Variants in RASA2 observed in about 807,000 individuals in gnomAD.
The protein encoded by RASA2 is RAS p21 protein activator 2.
In RASA2, 155 loss-of-function variants were observed where a neutral mutation model predicts 118.2. The ratio of observed to expected loss-of-function variants is 1.31; its 90% CI spans 1.15 to 1.50. The LOEUF is 1.50. RASA2 is among the 40% of genes most tolerant of loss of function. The pLI, the probability that RASA2 is intolerant of heterozygous loss-of-function variation, is 0.00. For synonymous variants in RASA2, 353 were observed against 349.1 expected (o/e 1.01, Z -0.12); for missense variants, 1,016 against 1,009.6 (o/e 1.01, Z -0.09).
rs1162098728 is a variant in RASA2 at position 141,580,525 on chromosome 3, C to T, written c.1674+74C>T. The stretch of plus-strand genomic sequence containing the variant: ...ACATCCTATGATCCCTTATCCTTGA[C>T]TTACCTTCTTCCAAATTAAAAACAA... On this transcript the variant is annotated intron_variant, in intron 16 of 23. Coordinates refer to ENST00000286364, the MANE Select transcript of RASA2 (RefSeq NM_006506.5). The T allele has an allele frequency of 1.0e-5, 12 of 1,156,544 alleles. No individual in the cohort carries two copies. The East Asian group carries it at 2.7e-4, about 26-fold the overall frequency. The allele number at this position is 1,156,544 out of a possible 1,614,324, so 71.6% of individuals were successfully genotyped here.
At chr3:141,601,172 AC>A (rs2083456759) in intron 19 of RASA2, among the ~76,000 whole-genome samples, 1 of 152,204 alleles carries the variant, frequency 6.6e-6, no homozygotes, top group African/African-American at 2.4e-5. Context: ...TCACACCTGT[AC>A]CCTAGCACTT....
Position 141,586,753 on chromosome 3 carries a change from G to A in RASA2, c.1933+1G>A, listed in dbSNP as rs1289430681. 6.2e-7 allele frequency: 1 copy of A among 1,605,606 alleles called. No individual in the cohort carries two copies. Among genetic ancestry groups the A allele is most frequent in the Non-Finnish European group, 8.5e-7 (1 of 1,172,624 alleles). On this transcript the variant is annotated splice_donor_variant, in intron 19 of 23. Transcript: ENST00000286364. LOFTEE classifies it high-confidence loss of function. ...GAGCTCACCTACCACAAACAGCCAGGTAGTTGTGTTTATGCTTTATTGTGG... is the reference window on the plus strand; with the variant it reads ...GAGCTCACCTACCACAAACAGCCAGATAGTTGTGTTTATGCTTTATTGTGG...
chr3:141,561,908 TGTTA>T (rs2082734654), intron 9 of RASA2, among the ~76,000 whole-genome samples: 1 of 152,182 alleles, frequency 6.6e-6, no homozygotes, highest in South Asian at 2.1e-4. Context: ...CTTTCCAGTT[TGTTA>T]ATTTTGACAC....
Position 141,613,309 on chromosome 3 carries a change from T to C in RASA2, c.*996T>C, listed in dbSNP as rs569418651. ...CATGGTATCTAGTCTTTATGATCAG[T>C]TGAATGATCAGTGTTTAAGTCTAAA... On this transcript the variant is annotated 3_prime_UTR_variant, in exon 24 of 24. Transcript: ENST00000286364. The C allele has an allele frequency of 6.6e-6, 1 of 152,334 alleles. No individual in the cohort carries two copies. Among genetic ancestry groups the C allele is most frequent in the African/African-American group, 2.4e-5 (1 of 41,578 alleles). The allele number at this position is 152,334 out of a possible 1,614,324, so 9.4% of individuals were successfully genotyped here. A position where few individuals can be genotyped will look rare whatever the true frequency, so the allele number is the denominator to read the frequency against.
chr3:141,537,440 C>T (rs2082343582), intron 4 of RASA2, among the ~76,000 whole-genome samples: 1 of 152,064 alleles, frequency 6.6e-6, no homozygotes, highest in African/African-American at 2.4e-5. Flanking sequence ...CAGGTATCTG[C>T]TGGATTTTTC....
intron 5 of RASA2, among the ~76,000 whole-genome samples, chr3:141,551,575 TC>T (rs2082575996): frequency 6.6e-6 from 1 of 152,222 alleles, no homozygotes; most frequent in African/African-American, 2.4e-5. Flanking sequence ...TTTGACCTCC[TC>T]CTGCTGACAG....
chr3:141,514,850 C>T (rs2081999645), intron 2 of RASA2, among the ~76,000 whole-genome samples: 1 of 152,176 alleles, frequency 6.6e-6, no homozygotes, highest in African/African-American at 2.4e-5. Flanking sequence ...CTACTATGTA[C>T]ACAACAACAT....
chr3:141,506,766 A>G (rs537423420), intron 1 of RASA2, among the ~76,000 whole-genome samples: 131 of 152,170 alleles, frequency 8.6e-4, no homozygotes, highest in African/African-American at 3.0e-3. Flanking sequence ...TACAAAGCAA[A>G]TTAGTCAGGC....
At chr3:141,555,795 G>A in intron 6 of RASA2, 45 bp from the exon 7 acceptor site, 2 of 1,509,496 alleles carry the variant, frequency 1.3e-6, no homozygotes, top group Non-Finnish European at 1.8e-6. Flanking sequence ...TTATAATTGT[G>A]TACTGTTAAG....
intron 21 of RASA2, among the ~76,000 whole-genome samples, chr3:141,609,131 A>G (rs955535750): frequency 2.0e-5 from 3 of 152,244 alleles, no homozygotes; most frequent in Non-Finnish European, 4.4e-5. Flanking sequence ...ATTGTATGGA[A>G]CAACCATTGT....
chr3:141,580,552 A>G (rs1462397073), intron 16 of RASA2, 101 bp downstream of exon 16: 1 of 725,794 alleles, frequency 1.4e-6, no homozygotes, highest in Non-Finnish European at 2.3e-6. Flanking sequence ...TAAAAACAAA[A>G]CATACACACA....
intron 19 of RASA2, among the ~76,000 whole-genome samples, chr3:141,590,669 T>C (rs947562150): frequency 6.6e-5 from 10 of 152,240 alleles, no homozygotes; most frequent in Non-Finnish European, 1.2e-4. Flanking sequence ...ACACTTACTA[T>C]GTGACTTTGG....
chr3:141,554,057 T>C (rs2082612649), intron 6 of RASA2, 117 bp downstream of exon 6: 2 of 1,415,066 alleles, frequency 1.4e-6, no homozygotes, highest in Non-Finnish European at 1.8e-6. Context: ...CAGTAATAAA[T>C]GCTTTGAAAG....
At chr3:141,502,458 T>C (rs111566721) in intron 1 of RASA2, among the ~76,000 whole-genome samples, 17 of 152,298 alleles carry the variant, frequency 1.1e-4, no homozygotes, top group African/African-American at 3.8e-4. Flanking sequence ...TATAATCTTT[T>C]CCCTCTCATT....
intron 3 of RASA2, among the ~76,000 whole-genome samples, chr3:141,518,114 T>C (rs572989242): frequency 1.1e-3 from 164 of 152,278 alleles, no homozygotes; most frequent in South Asian, 1.2e-3. Context: ...TTTATTCTCT[T>C]TCTTTTTAGT....
intron 5 of RASA2, among the ~76,000 whole-genome samples, chr3:141,543,005 T>C (rs2082428318): frequency 6.6e-6 from 1 of 152,128 alleles, no homozygotes; most frequent in Admixed American, 6.5e-5. Context: ...TCTGTCTTTT[T>C]TTGGTGAGTT....
intron 19 of RASA2, among the ~76,000 whole-genome samples, chr3:141,599,655 TAAAG>T (rs2083433052): frequency 6.6e-6 from 1 of 151,934 alleles, no homozygotes; most frequent in African/African-American, 2.4e-5. Context: ...CAGCAGCAAA[TAAAG>T]AGTGAATAAG....
At chr3:141,596,456 A>G (rs1489132631) in intron 19 of RASA2, among the ~76,000 whole-genome samples, 1 of 152,352 alleles carries the variant, frequency 6.6e-6, no homozygotes, top group Non-Finnish European at 1.5e-5. Context: ...AACTAAATGT[A>G]TGGTCTATAA....
At chr3:141,500,682 C>G (rs1397535398) in intron 1 of RASA2, among the ~76,000 whole-genome samples, 2 of 152,050 alleles carry the variant, frequency 1.3e-5, no homozygotes, top group African/African-American at 2.4e-5. Flanking sequence ...TCATAGTTTT[C>G]TTAATGGATA....
Sources: allele counts gnomAD v4.1 joint callset (sites outside exome capture counted in the v4.1 genomes callset), GRCh38; gene constraint gnomAD v4.1.1; transcripts MANE v1.5; gene names NCBI Gene and HGNC (gene_info 2026-07-23, HGNC 2026-07-21).